The following NWD1 variants were observed in gnomAD, a reference collection of about 807,000 sequenced individuals.
NWD1 encodes NACHT domain- and WD repeat-containing protein 1.
In NWD1, 129 loss-of-function variants were observed where a neutral mutation model predicts 135.1. The observed-to-expected ratio is 0.96, with a 90% CI of 0.83 to 1.11. The LOEUF (loss-of-function observed/expected upper bound fraction) is 1.11, where lower values mean the gene tolerates loss of function less well. NWD1 is among the 50% of genes least tolerant of loss of function. The probability of loss-of-function intolerance (pLI) is 0.00; values close to 1 mark genes in which losing one functional copy is unlikely to be tolerated. For synonymous variants in NWD1, 773 were observed against 786.0 expected, an observed-to-expected ratio of 0.98 and a Z score of 0.28; for missense variants, 1,740 against 1,851.3, an observed-to-expected ratio of 0.94 and a Z score of 1.10.
chr19:16,738,762 TATA>T (rs1208685290), intron 4 of NWD1, among the ~76,000 whole-genome samples: 3 of 125,198 alleles, frequency 2.4e-5, no homozygotes, highest in Non-Finnish European at 3.4e-5. Context: ...ATATATATAA[TATA>T]ATGATATATA....
intron 2 of NWD1, among the ~76,000 whole-genome samples, chr19:16,726,619 T>C (rs1967339454): frequency 6.6e-6 from 1 of 151,960 alleles, no homozygotes; most frequent in Admixed American, 6.6e-5. Context: ...TTTGTATTTT[T>C]CATAGAGACA....
intron 15 of NWD1, among the ~76,000 whole-genome samples, chr19:16,796,428 A>G (rs1328026316): frequency 6.6e-6 from 1 of 151,970 alleles, no homozygotes; most frequent in African/African-American, 2.4e-5. Flanking sequence ...TGCCACTGCC[A>G]CAAAAGTCTT....
At position 16,750,239 on chromosome 19, in the gene NWD1, C is replaced by G; in HGVS notation, c.1597C>G (p.Pro533Ala). The G allele has an allele frequency of 6.2e-7, 1 of 1,613,594 alleles. No individual in the cohort carries two copies. The highest frequency in any genetic ancestry group is 8.5e-7 in the Non-Finnish European group (1 of 1,179,860). Residue 533 changes from proline to alanine, a missense_variant, in exon 6 of 19, where the codon CCA becomes GCA. Transcript: ENST00000524140. Reference protein sequence around the residue: ...LWASLPECGNPGRLRLAFEEA... With the variant: ...LWASLPECGNAGRLRLAFEEA... ...GGCCAGCCTCCCAGAGTGTGGGAAC[C>G]CAGGGCGGCTGAGGCTGGCGTTTGA...
intron 3 of NWD1, among the ~76,000 whole-genome samples, chr19:16,731,507 A>G (rs963410597): frequency 6.6e-6 from 1 of 151,022 alleles, no homozygotes; most frequent in Admixed American, 6.6e-5. Context: ...GGGTTTCACC[A>G]TGTTGGCCAG....
intron 17 of NWD1, among the ~76,000 whole-genome samples, chr19:16,803,702 A>T (rs1383092223): frequency 6.6e-6 from 1 of 150,604 alleles, no homozygotes; most frequent in African/African-American, 2.4e-5. Context: ...GGATCATTTG[A>T]GGTCAGGAGT....
At chr19:16,808,601 T>G (rs1248835150) in intron 18 of NWD1, among the ~76,000 whole-genome samples, 5 of 151,792 alleles carry the variant, frequency 3.3e-5, no homozygotes, top group African/African-American at 9.7e-5. Flanking sequence ...GAAGCAAAGT[T>G]TTTTTTGTTT....
In NWD1 at chr19:16,807,936, G is replaced by T. The variant is rs752662123; in HGVS notation, c.4087G>T (p.Val1363Phe). 6.2e-7 allele frequency: 1 copy of T among 1,614,038 alleles called. No individual in the cohort carries two copies. The highest frequency in any genetic ancestry group is 8.5e-7 in the Non-Finnish European group (1 of 1,180,038). Residue 1363 changes from valine to phenylalanine, a missense_variant, in exon 18 of 19, where the codon GTC becomes TTC. Transcript: ENST00000524140. ...SVAILTDYRV[V>F]YSMTNGDLFL... ...GGCCATTCTGACGGACTACCGCGTG[G>T]TCTACAGCATGACCAATGGGGACCT...
In NWD1 at chr19:16,807,778, G is replaced by T; in HGVS notation, c.3929G>T (p.Cys1310Phe). The change falls in exon 18 of 19, where the codon TGC becomes TTC. Residue 1310 changes from cysteine (C) to phenylalanine (F), a missense_variant. By Grantham distance (205) the Cys-to-Phe change is radical. Coordinates refer to ENST00000524140, the MANE Select transcript of NWD1 (RefSeq NM_001007525.5). ...ATCAACTGCATGTCCCTGAGCAAGTGCGAGGACCGCCTGGCCATCGCCTAT... is the reference window on the plus strand; with the variant it reads ...ATCAACTGCATGTCCCTGAGCAAGTTCGAGGACCGCCTGGCCATCGCCTAT... ...KAINCMSLSKCEDRLAIAYDN... is the reference protein window; with the variant it reads ...KAINCMSLSKFEDRLAIAYDN... The T allele has an allele frequency of 6.2e-7, 1 of 1,613,840 alleles. No homozygotes were observed.
chr19:16,762,262 A>C (rs893980067), intron 8 of NWD1, 124 bp downstream of exon 8: 1 of 722,790 alleles, frequency 1.4e-6, no homozygotes, highest in Admixed American at 2.7e-5. Flanking sequence ...TTCCGCACAG[A>C]GGGCAAGATG....
chr19:16,790,490 G>C (rs919644242), intron 13 of NWD1, among the ~76,000 whole-genome samples: 1 of 150,932 alleles, frequency 6.6e-6, no homozygotes, highest in Non-Finnish European at 1.5e-5. Flanking sequence ...GGGAGGGAGA[G>C]CATTAGGACA....
In NWD1 at chr19:16,807,724, G is replaced by A. The variant is rs1970794290; in HGVS notation, c.3875G>A (p.Cys1292Tyr). 5 of 1,613,430 alleles carry A rather than the reference G, an allele frequency of 3.1e-6. No individual in the cohort carries two copies. The East Asian group carries it at 6.7e-5, about 22-fold the overall frequency. Reference sequence around the variant, plus strand: ...CTGAATTCCAGGCAGGACGTGATATGCATTCCCCCTCCCGAGGCCCGGAAA... The same window carrying A: ...CTGAATTCCAGGCAGGACGTGATATACATTCCCCCTCCCGAGGCCCGGAAA... ...FPLNSRQDVI[C>Y]IPPPEARKAI... The change falls in exon 18 of 19, where the codon TGC becomes TAC. Residue 1292 changes from cysteine to tyrosine, a missense_variant. Cys to Tyr is a radical substitution (Grantham distance 194). Transcript: ENST00000524140.
chr19:16,763,988 G>GT, intron 9 of NWD1, 43 bp downstream of exon 9: 2 of 1,163,352 alleles, frequency 1.7e-6, no homozygotes, highest in Non-Finnish European at 2.6e-6. Flanking sequence ...CCTGGTGACT[G>GT]CACCACGCTC....
In NWD1 at chr19:16,808,026, T is replaced by G. The variant is rs763989600; in HGVS notation, c.4177T>G (p.Cys1393Gly). The G allele has an allele frequency of 6.2e-7, 1 of 1,614,142 alleles. No individual in the cohort carries two copies. ...PLETHRSRVA[C>G]VEVSHKEQLV... The stretch of plus-strand genomic sequence containing the variant: ...GGAGACCCACAGGAGCCGAGTTGCC[T>G]GTGTGGAGGTCAGCCACAAGGAGCA... The change falls in exon 18 of 19, where the codon TGT (cysteine) becomes GGT (glycine). Residue 1393 changes from cysteine to glycine, a missense_variant. Transcript: ENST00000524140.
chr19:16,798,129 AT>A (rs1280898698), intron 16 of NWD1, among the ~76,000 whole-genome samples: 1 of 152,132 alleles, frequency 6.6e-6, no homozygotes, highest in Non-Finnish European at 1.5e-5. Context: ...TTGGGGGCAG[AT>A]TTGTGCCTTC....
Position 16,761,893 on chromosome 19 carries a change from T to A in NWD1, c.1974-86T>A, listed in dbSNP as rs980845983. 1.3e-5 allele frequency: 15 copies of A among 1,146,346 alleles called. No individual in the cohort carries two copies. The South Asian group carries it at 2.1e-4, about 16-fold the overall frequency. The allele number at this position is 1,146,346 out of a possible 1,614,324, so 71.0% of individuals were successfully genotyped here. On this transcript the variant is annotated intron_variant, in intron 7 of 18. Coordinates refer to ENST00000524140, the MANE Select transcript of NWD1 (RefSeq NM_001007525.5). Reference sequence around the variant, plus strand: ...AGAGTGGTTTAGGATGGCTTGGGATTTGGGAACTGCCTCCAGGAAGACAAG... The same window carrying A: ...AGAGTGGTTTAGGATGGCTTGGGATATGGGAACTGCCTCCAGGAAGACAAG...
chr19:16,775,977 G>C (rs149693056), intron 11 of NWD1, among the ~76,000 whole-genome samples: 4 of 152,134 alleles, frequency 2.6e-5, no homozygotes, highest in Non-Finnish European at 4.4e-5. Context: ...AGGGAAATGT[G>C]GTCTTTGTGC....
At chr19:16,728,380 G>A in intron 2 of NWD1, among the ~76,000 whole-genome samples, 1 of 149,448 alleles carries the variant, frequency 6.7e-6, no homozygotes, top group East Asian at 2.0e-4. Context: ...TGTCTCCCAG[G>A]TTCAAGGGAT....
Position 16,749,677 on chromosome 19 carries a change from T to C in NWD1, c.1035T>C (p.Ile345=). Reference sequence around the variant, plus strand: ...TGGTACTCTTTGGGCCCCCAGGCATTGGAAAGACAGCCCTGATGTGCAAGC... The same window carrying C: ...TGGTACTCTTTGGGCCCCCAGGCATCGGAAAGACAGCCCTGATGTGCAAGC... ...TPLVLFGPPG[I]GKTALMCKLA... Residue 345 remains isoleucine (I), a synonymous_variant, in exon 6 of 19, where the codon ATT becomes ATC. Transcript: ENST00000524140. 1 of 1,599,358 alleles carries C rather than the reference T, an allele frequency of 6.3e-7. No homozygotes were observed. The highest frequency in any genetic ancestry group is 8.5e-7 in the Non-Finnish European group (1 of 1,170,658).
intron 11 of NWD1, 82 bp from the exon 12 acceptor site, chr19:16,779,261 G>GTAGATCTC: frequency 6.8e-7 from 1 of 1,475,146 alleles, no homozygotes; most frequent in Non-Finnish European, 9.4e-7. Flanking sequence ...TCTGTGAAGT[G>GTAGATCTC]GGGGGCTCAT....
Sources: allele counts gnomAD v4.1 joint callset (sites outside exome capture counted in the v4.1 genomes callset), GRCh38; gene constraint gnomAD v4.1.1; transcripts MANE v1.5; gene names NCBI Gene and HGNC (gene_info 2026-07-23, HGNC 2026-07-21).